The following CDH18 variants were observed in gnomAD, a reference collection of about 807,000 sequenced individuals.
CDH18 encodes the protein cadherin-18.
CDH18 carries 31 observed loss-of-function variants against 67.9 expected under a neutral mutation model. That is an observed-to-expected ratio of 0.46 (90% CI 0.34 to 0.62). CDH18 has a LOEUF of 0.62. CDH18 is among the 20% of genes least tolerant of loss of function. The probability of loss-of-function intolerance (pLI) is 0.01; values close to 1 mark genes in which losing one functional copy is unlikely to be tolerated. For missense variants in CDH18, 890 were observed against 975.5 expected (o/e 0.91, Z 1.17); for synonymous variants, 362 against 347.2 (o/e 1.04, Z -0.48).
At chr5:19,962,245 A>C (rs574146555) in intron 2 of CDH18, among the ~76,000 whole-genome samples, 1 of 151,808 alleles carries the variant, frequency 6.6e-6, no homozygotes, top group African/African-American at 2.4e-5. Context: ...ATGAGTATCA[A>C]ATTTTGGGTT....
intron 2 of CDH18, among the ~76,000 whole-genome samples, chr5:20,056,510 G>T (rs1178804552): frequency 1.3e-5 from 1 of 74,706 alleles, no homozygotes. Flanking sequence ...TTTTTGCAGG[G>T]AAAGGGATTG....
At chr5:19,986,394 G>A (rs1461080145) in intron 1 of CDH18, among the ~76,000 whole-genome samples, 1 of 152,118 alleles carries the variant, frequency 6.6e-6, no homozygotes, top group African/African-American at 2.4e-5. Context: ...ATCTTCAGCT[G>A]GGCATTTCTG....
chr5:20,328,487 G>A (rs1350677018), intron 1 of CDH18, among the ~76,000 whole-genome samples: 1 of 150,760 alleles, frequency 6.6e-6, no homozygotes, highest in Non-Finnish European at 1.5e-5. Context: ...GTGTGTGTGT[G>A]TGTGTGTGTG....
chr5:19,775,271 A>T (rs998670777), intron 3 of CDH18, among the ~76,000 whole-genome samples: 2 of 152,334 alleles, frequency 1.3e-5, no homozygotes, highest in Non-Finnish European at 2.9e-5. Context: ...AGAGACAGGA[A>T]CATGTCCTTT....
intron 2 of CDH18, among the ~76,000 whole-genome samples, chr5:20,172,202 A>ACG (rs372430630): frequency 0.013 from 616 of 46,002 alleles, 41 homozygotes; most frequent in African/African-American, 0.07. Flanking sequence ...ATATATATAT[A>ACG]TATATATATA....
At chr5:20,551,362 T>C (rs1757623536) in intron 1 of CDH18, among the ~76,000 whole-genome samples, 1 of 152,170 alleles carries the variant, frequency 6.6e-6, no homozygotes, top group Admixed American at 6.5e-5. Context: ...ACCACGTTTT[T>C]ACTTCTTCAA....
chr5:20,498,772 G>A (rs905773661), intron 1 of CDH18, among the ~76,000 whole-genome samples: 1 of 151,694 alleles, frequency 6.6e-6, no homozygotes, highest in Admixed American at 6.6e-5. Flanking sequence ...GTAATAATAC[G>A]TGTCTTATTT....
chr5:19,875,308 A>T (rs1786816175), intron 2 of CDH18, among the ~76,000 whole-genome samples: 1 of 152,104 alleles, frequency 6.6e-6, no homozygotes, highest in Non-Finnish European at 1.5e-5. Flanking sequence ...AAGTGACTAA[A>T]CTTAGCTTTC....
At chr5:20,469,380 T>A (rs1371817751) in intron 1 of CDH18, among the ~76,000 whole-genome samples, 1 of 152,200 alleles carries the variant, frequency 6.6e-6, no homozygotes, top group African/African-American at 2.4e-5. Context: ...ATAAAACATT[T>A]AATTAAAGTG....
chr5:19,607,306 C>T (rs988919984), intron 6 of CDH18, among the ~76,000 whole-genome samples: 1 of 151,370 alleles, frequency 6.6e-6, no homozygotes, highest in African/African-American at 2.4e-5. Context: ...TTTAACACAA[C>T]AGCAACAATG....
intron 1 of CDH18, among the ~76,000 whole-genome samples, chr5:20,478,698 A>G (rs193005472): frequency 7.8e-4 from 119 of 152,040 alleles, no homozygotes; most frequent in African/African-American, 2.7e-3. Context: ...GAAGGGTAGG[A>G]CACAAGCCTG....
intron 1 of CDH18, among the ~76,000 whole-genome samples, chr5:20,562,060 A>T (rs1758250044): frequency 6.6e-6 from 1 of 152,060 alleles, no homozygotes; most frequent in East Asian, 1.9e-4. Context: ...TACAATAAAA[A>T]TTTAGAGAAG....
At chr5:20,219,730 C>G (rs548289820) in intron 2 of CDH18, among the ~76,000 whole-genome samples, 1 of 151,838 alleles carries the variant, frequency 6.6e-6, no homozygotes, top group East Asian at 1.9e-4. Flanking sequence ...AAAACAAAAT[C>G]CTTATGATCA....
chr5:19,586,002 T>C (rs1036473419), intron 7 of CDH18, among the ~76,000 whole-genome samples: 1 of 152,088 alleles, frequency 6.6e-6, no homozygotes, highest in African/African-American at 2.4e-5. Flanking sequence ...TCAGTTTCTT[T>C]AGCTATAAAG....
At chr5:20,514,566 A>G in intron 1 of CDH18, among the ~76,000 whole-genome samples, 1 of 152,074 alleles carries the variant, frequency 6.6e-6, no homozygotes, top group East Asian at 1.9e-4. Context: ...ACATATGTAC[A>G]TGAGCTGATT....
chr5:19,882,918 C>A (rs569768507), intron 2 of CDH18, among the ~76,000 whole-genome samples: 1 of 152,136 alleles, frequency 6.6e-6, no homozygotes, highest in East Asian at 1.9e-4. Flanking sequence ...TTTTTGTTAT[C>A]TTTATAAAAT....
chr5:20,234,079 G>GA (rs1215451587), intron 2 of CDH18, among the ~76,000 whole-genome samples: 26 of 151,982 alleles, frequency 1.7e-4, no homozygotes, highest in Admixed American at 1.1e-3. Context: ...GAAATGGGGA[G>GA]AAAAAAAGAA....
chr5:20,267,807 C>A (rs1428110626), intron 1 of CDH18, among the ~76,000 whole-genome samples: 1 of 152,108 alleles, frequency 6.6e-6, no homozygotes, highest in Admixed American at 6.6e-5. Flanking sequence ...ATAATTTCAA[C>A]TATTATTTTA....
At chr5:19,852,995 T>A (rs1783885019) in intron 2 of CDH18, among the ~76,000 whole-genome samples, 2 of 152,044 alleles carry the variant, frequency 1.3e-5, no homozygotes, top group African/African-American at 4.8e-5. Flanking sequence ...AAGCAATGAG[T>A]ACAAGATTGT....
Sources: allele counts gnomAD v4.1 joint callset (sites outside exome capture counted in the v4.1 genomes callset), GRCh38; gene constraint gnomAD v4.1.1; transcripts MANE v1.5; gene names NCBI Gene and HGNC (gene_info 2026-07-23, HGNC 2026-07-21).